PCDHGA12: variants seen among roughly 807,000 people sequenced by gnomAD.
PCDHGA12 encodes protocadherin gamma subfamily A, 12.
Under a neutral mutation model 61.1 loss-of-function variants are expected in PCDHGA12, and 43 were observed. The observed-to-expected ratio is 0.70, with a 90% CI of 0.55 to 0.91. The LOEUF (loss-of-function observed/expected upper bound fraction) is 0.91. Among genes scored for constraint, PCDHGA12 ranks in the 40% least tolerant of loss-of-function variants. The probability of loss-of-function intolerance (pLI) is 0.00; values close to 1 mark genes in which losing one functional copy is unlikely to be tolerated. For missense variants in PCDHGA12, 1,236 were observed against 1,227.7 expected (o/e 1.01, Z -0.10); for synonymous variants, 520 against 542.9 (o/e 0.96, Z 0.59).
At chr5:141,456,220 T>C (rs965297694) in intron 1 of PCDHGA12, among the ~76,000 whole-genome samples, 1 of 152,098 alleles carries the variant, frequency 6.6e-6, no homozygotes, top group Admixed American at 6.6e-5. Context: ...TGTGGCGATA[T>C]CAAACTAACT....
At chr5:141,452,472 A>C (rs995927368) in intron 1 of PCDHGA12, among the ~76,000 whole-genome samples, 6 of 152,170 alleles carry the variant, frequency 3.9e-5, no homozygotes, top group Non-Finnish European at 8.8e-5. Flanking sequence ...AGCTAGGAAA[A>C]ACACACATAA....
At chr5:141,460,456 T>C (rs2098989632) in intron 1 of PCDHGA12, among the ~76,000 whole-genome samples, 1 of 152,124 alleles carries the variant, frequency 6.6e-6, no homozygotes, top group South Asian at 2.1e-4. Flanking sequence ...AAGATTCATA[T>C]TTTTTTCCAA....
chr5:141,439,625 CCA>C (rs1281773200), intron 1 of PCDHGA12, among the ~76,000 whole-genome samples: 1 of 152,150 alleles, frequency 6.6e-6, no homozygotes, highest in African/African-American at 2.4e-5. Flanking sequence ...GAGCCAATCC[CCA>C]GACATTCCGG....
chr5:141,449,588 CAAAAAAAAAAA>C (rs768743917), intron 1 of PCDHGA12, among the ~76,000 whole-genome samples: 1 of 57,492 alleles, frequency 1.7e-5, no homozygotes, highest in Non-Finnish European at 3.7e-5. Flanking sequence ...GACTCTGTCT[CAAAAAAAAAAA>C]AAAAAAAAGT....
rs1479003983 is a variant in PCDHGA12, at chr5:141,485,352, C to T, written c.2425-9455C>T. On this transcript the variant is annotated intron_variant, in intron 1 of 3. Coordinates refer to ENST00000252085, the MANE Select transcript of PCDHGA12 (RefSeq NM_003735.3). This position sits in a 1 kb window ranked among gnomAD's most constrained non-coding sequence, Gnocchi z 5.7. ...TTCCTGCTGGATACGGACAGTCTGT[C>T]AGCTCGCAGGCTGCAGGTCGCTGGA... 1 of 1,614,136 alleles carries T rather than the reference C, an allele frequency of 6.2e-7. No homozygotes were observed. The highest frequency in any genetic ancestry group is 8.5e-7 in the Non-Finnish European group (1 of 1,180,012).
At chr5:141,453,101 TTTTTGTTTTG>T (rs879618609) in intron 1 of PCDHGA12, among the ~76,000 whole-genome samples, 16 of 152,130 alleles carry the variant, frequency 1.1e-4, no homozygotes, top group Middle Eastern at 3.4e-3. Flanking sequence ...TTCTGTTGCT[TTTTTGTTTTG>T]TTTTGTTTTG....
intron 1 of PCDHGA12, among the ~76,000 whole-genome samples, chr5:141,483,646 GTT>G (rs2099584256): frequency 6.8e-6 from 1 of 146,706 alleles, no homozygotes; most frequent in Admixed American, 6.7e-5. Flanking sequence ...AGGGGTGTGT[GTT>G]TGTGTGTGTG....
intron 1 of PCDHGA12, among the ~76,000 whole-genome samples, chr5:141,457,863 C>A (rs2098930968): frequency 6.6e-6 from 1 of 152,194 alleles, no homozygotes; most frequent in Non-Finnish European, 1.5e-5. Flanking sequence ...TCTTCACTGA[C>A]CACAGGTTAG....
chr5:141,473,029 G>A (rs62379204), intron 1 of PCDHGA12, among the ~76,000 whole-genome samples: 15,982 of 147,800 alleles, frequency 0.11, 873 homozygotes, highest in South Asian at 0.15. Flanking sequence ...AAGGAAGGAA[G>A]GAAGGAAAGA....
chr5:141,467,602 A>G (rs981250164), intron 1 of PCDHGA12, among the ~76,000 whole-genome samples: 3 of 152,216 alleles, frequency 2.0e-5, no homozygotes, highest in Non-Finnish European at 4.4e-5. Flanking sequence ...TAAGCACTTC[A>G]TCTTTGTCCC....
chr5:141,450,592 T>G (rs1403924348), intron 1 of PCDHGA12, among the ~76,000 whole-genome samples: 1 of 151,838 alleles, frequency 6.6e-6, no homozygotes, highest in Non-Finnish European at 1.5e-5. Context: ...GTTCAAGCAA[T>G]TCTCCTGCCT....
intron 1 of PCDHGA12, chr5:141,479,290 T>C (rs1045200175): frequency 1.3e-5 from 2 of 152,438 alleles, no homozygotes; most frequent in Non-Finnish European, 2.9e-5. Flanking sequence ...AAAATAAATC[T>C]AGGCAACCCA....
At chr5:141,507,447 G>A (rs998019159) in intron 3 of PCDHGA12, among the ~76,000 whole-genome samples, 1 of 152,226 alleles carries the variant, frequency 6.6e-6, no homozygotes, top group Non-Finnish European at 1.5e-5. Flanking sequence ...GCTGACGGAA[G>A]GACAGAGAGA....
chr5:141,448,232 T>A (rs917554207), intron 1 of PCDHGA12, among the ~76,000 whole-genome samples: 1 of 152,094 alleles, frequency 6.6e-6, no homozygotes, highest in Admixed American at 6.6e-5. Context: ...ATGTGTGGGG[T>A]TTTCTTTGCA....
chr5:141,461,595 A>C (rs2099018386), intron 1 of PCDHGA12, among the ~76,000 whole-genome samples: 1 of 152,144 alleles, frequency 6.6e-6, no homozygotes, highest in East Asian at 1.9e-4. Flanking sequence ...TATTTCCATT[A>C]TAATTTAGTT....
At position 141,450,051 on chromosome 5, in the gene PCDHGA12, G is replaced by C. The variant is rs576363410; in HGVS notation, c.2424+16868G>C. ...AGACAGGGTCTCACTCTTTCGCCCA[G>C]GCTGGAATGCAGTGGTATGATCTTG... On this transcript the variant is annotated intron_variant, in intron 1 of 3. Coordinates refer to ENST00000252085, the MANE Select transcript of PCDHGA12 (RefSeq NM_003735.3). Among the ~76,000 whole-genome samples, 362 of 139,654 alleles carry C rather than the reference G, an allele frequency of 2.6e-3. 1 individual carries two copies. Among genetic ancestry groups the C allele is most frequent in the South Asian group, 5.5e-3 (25 of 4,506 alleles). 91.6% of individuals were successfully genotyped at this position (139,654 alleles called of 152,430 possible). A position where few individuals can be genotyped will look rare whatever the true frequency, so the allele number is the denominator to read the frequency against.
Position 141,489,805 on chromosome 5 carries a change from A to T in PCDHGA12, c.2425-5002A>T. On this transcript the variant is annotated intron_variant, in intron 1 of 3. Transcript: ENST00000252085. The surrounding 1 kb of genome is among the most constrained non-coding windows in gnomAD (Gnocchi z 4.5). ...GAATGTGAAGACCCTAAAAGATGGG[A>T]AGCCATTCCCAGAGCTGGTGCTAGA... 1 of 1,614,166 alleles carries T rather than the reference A, an allele frequency of 6.2e-7. No individual in the cohort carries two copies. Among genetic ancestry groups the T allele is most frequent in the Non-Finnish European group, 8.5e-7 (1 of 1,180,012 alleles).
intron 2 of PCDHGA12, among the ~76,000 whole-genome samples, chr5:141,505,122 A>G (rs2099843899): frequency 6.6e-6 from 1 of 152,194 alleles, no homozygotes; most frequent in Non-Finnish European, 1.5e-5. Context: ...AGATCGCGCC[A>G]CTGCACTCCA....
Position 141,489,830 on chromosome 5 carries a change from A to C in PCDHGA12, c.2425-4977A>C. On this transcript the variant is annotated intron_variant, in intron 1 of 3. Transcript: ENST00000252085. The surrounding 1 kb of genome is among the most constrained non-coding windows in gnomAD (Gnocchi z 4.5). ...AAGCCATTCCCAGAGCTGGTGCTAG[A>C]GCAGCAGCTGGATCGTGAAGCCCAG... 1 of 1,614,200 alleles carries C rather than the reference A, an allele frequency of 6.2e-7. No homozygotes were observed. Among genetic ancestry groups the C allele is most frequent in the Non-Finnish European group, 8.5e-7 (1 of 1,180,010 alleles).
Sources: gnomAD v4.1 joint callset for allele counts (sites outside exome capture counted in the v4.1 genomes callset) on GRCh38, gnomAD v4.1.1 for gene constraint, Gnocchi (gnomAD v3.1) non-coding constraint, MANE v1.5 for transcripts, NCBI Gene and HGNC (gene_info 2026-07-23, HGNC 2026-07-21) for gene names.